DGUOK: variants seen among roughly 807,000 people sequenced by gnomAD.
DGUOK encodes deoxyguanosine kinase, mitochondrial.
A neutral mutation model predicts 36.6 loss-of-function variants in DGUOK; 30 were observed. The ratio of observed to expected loss-of-function variants is 0.82; its 90% confidence interval spans 0.61 to 1.11. The LOEUF (loss-of-function observed/expected upper bound fraction) is 1.11, where lower values mean the gene tolerates loss of function less well. Ranked by LOEUF, DGUOK falls within the 50% of genes most tolerant of loss-of-function variation. The pLI is 0.00. For missense variants in DGUOK, 361 were observed against 336.4 expected, an observed-to-expected ratio of 1.07 and a Z score of -0.57; for synonymous variants, 145 against 126.3, an observed-to-expected ratio of 1.15 and a Z score of -0.99.
intron 3 of DGUOK, among the ~76,000 whole-genome samples, chr2:73,949,852 A>C (rs1212107090): frequency 1.3e-5 from 2 of 152,134 alleles, no homozygotes; most frequent in Non-Finnish European, 2.9e-5. Context: ...TTTCCTGTTT[A>C]CCAGATGCTC....
chr2:73,946,417 C>T (rs1682307211), intron 2 of DGUOK, among the ~76,000 whole-genome samples: 1 of 152,220 alleles, frequency 6.6e-6, no homozygotes, highest in Non-Finnish European at 1.5e-5. Context: ...ACAAATCCCT[C>T]AATCAGTGAT....
At chr2:73,940,538 C>A (rs1212637707) in intron 2 of DGUOK, among the ~76,000 whole-genome samples, 1 of 152,094 alleles carries the variant, frequency 6.6e-6, no homozygotes, top group African/African-American at 2.4e-5. Flanking sequence ...AATTAACTTT[C>A]CTATGCAGGA....
At position 73,939,907 on chromosome 2, in the gene DGUOK, C is replaced by CTT. The variant is rs35979524; in HGVS notation, c.255+900_255+901dup. Among the ~76,000 whole-genome samples, 1,001 of 136,654 alleles carry CTT rather than the reference C, an allele frequency of 7.3e-3. 13 individuals are homozygous for CTT. Among genetic ancestry groups the CTT allele is most frequent in the South Asian group, 7.9e-3 (34 of 4,316 alleles). The allele number at this position is 136,654 out of a possible 152,430, so 89.7% of individuals were successfully genotyped here. ...TCTTTCTCCCCCTCAAGTCTCTCTCCTTTTTTTTTTTTTTTTGACAGTCTC... is the reference window on the plus strand; with the variant it reads ...TCTTTCTCCCCCTCAAGTCTCTCTCCTTTTTTTTTTTTTTTTTTGACAGTCTC... On this transcript the variant is annotated intron_variant, in intron 2 of 6. Transcript: ENST00000264093.
Position 73,946,710 on chromosome 2 carries a change from T to G in DGUOK, c.256-9T>G. 6.2e-7 allele frequency: 1 copy of G among 1,614,040 alleles called. No individual in the cohort carries two copies. Among genetic ancestry groups the G allele is most frequent in the Non-Finnish European group, 8.5e-7 (1 of 1,179,946 alleles). Reference sequence around the variant, plus strand: ...AGGAAATTTTCTTCTTTTTTTCATCTCCCTCTAGGCCTGCACTGCCCAAAG... The same window carrying G: ...AGGAAATTTTCTTCTTTTTTTCATCGCCCTCTAGGCCTGCACTGCCCAAAG... On this transcript the variant is annotated splice_polypyrimidine_tract_variant and intron_variant, in intron 2 of 6. Transcript: ENST00000264093.
chr2:73,941,968 G>T (rs1409899109), intron 2 of DGUOK, among the ~76,000 whole-genome samples: 2 of 151,322 alleles, frequency 1.3e-5, no homozygotes, highest in Admixed American at 6.6e-5. Context: ...GAGTCCAGTG[G>T]TGTGATCTTG....
rs377650378 is a variant in DGUOK at position 73,949,246 on chromosome 2, G to A, written c.444-1339G>A. Among the ~76,000 whole-genome samples, 88 of 152,226 alleles carry A rather than the reference G, an allele frequency of 5.8e-4. 1 individual carries two copies. In the South Asian group the frequency reaches 0.012, roughly 22 times the overall value. On this transcript the variant is annotated intron_variant, in intron 3 of 6. Coordinates refer to ENST00000264093, the MANE Select transcript of DGUOK (RefSeq NM_080916.3). The stretch of plus-strand genomic sequence containing the variant: ...GGATTACAGGTGTGAGCCACAGTGC[G>A]TGGCCACTTTATAGGATCTTAATTT...
rs1213432494 is a variant in DGUOK at position 73,955,122 on chromosome 2, AAT to A, written c.592-2000_592-1999del. The stretch of plus-strand genomic sequence containing the variant: ...GTTAAGGAAATTAATAGTAAATAGA[AAT>A]ATGTTAGCTTATTTTAATAGATCAA... On this transcript the variant is annotated intron_variant, in intron 4 of 6. Transcript: ENST00000264093. Among the ~76,000 whole-genome samples, 4 of 152,232 alleles carry A rather than the reference AAT, an allele frequency of 2.6e-5. No homozygotes were observed. In the South Asian group the frequency reaches 8.3e-4, roughly 31 times the overall value.
At chr2:73,941,400 G>A (rs1458471269) in intron 2 of DGUOK, among the ~76,000 whole-genome samples, 1 of 152,178 alleles carries the variant, frequency 6.6e-6, no homozygotes, top group Non-Finnish European at 1.5e-5. Flanking sequence ...TTGTTAGGCA[G>A]CAATAGATAA....
chr2:73,927,080 C>T (rs750879213), intron 1 of DGUOK, 28 bp downstream of exon 1: 3 of 1,604,390 alleles, frequency 1.9e-6, no homozygotes, highest in Non-Finnish European at 2.5e-6. Context: ...GCTGCCAAGC[C>T]TTGGCCTCCG....
rs776727459 is a variant in DGUOK, at chr2:73,950,642, T to C, written c.501T>C (p.His167=). The C allele has an allele frequency of 3.7e-6, 6 of 1,614,200 alleles. No individual in the cohort carries two copies. In the African/African-American group the frequency reaches 8.0e-5, roughly 22 times the overall value. ...GTTCCCTCAGTGACATCGAGTGGCA[T>C]ATCTATCAGGACTGGCATTCTTTTC... ...ENGSLSDIEW[H]IYQDWHSFLL... The change falls in exon 4 of 7, where the codon CAT becomes CAC. Residue 167 remains histidine, a synonymous_variant. Coordinates refer to ENST00000264093, the MANE Select transcript of DGUOK (RefSeq NM_080916.3).
chr2:73,931,884 A>G (rs1175681255), intron 1 of DGUOK, among the ~76,000 whole-genome samples: 5 of 152,076 alleles, frequency 3.3e-5, no homozygotes, highest in Admixed American at 1.3e-4. Context: ...TTTCAGAGAG[A>G]TTTTGGAAGC....
chr2:73,926,946 A>T lies in DGUOK; in HGVS notation c.36A>T (p.Arg12=). 6.2e-7 allele frequency: 1 copy of T among 1,613,454 alleles called. No individual in the cohort carries two copies. The highest frequency in any genetic ancestry group is 8.5e-7 in the Non-Finnish European group (1 of 1,180,040). ...GCCGCCTCTTTCTAAGTCGGCTTCGAGCACCCTTCAGTTCCATGGCCAAGA... is the reference window on the plus strand; with the variant it reads ...GCCGCCTCTTTCTAAGTCGGCTTCGTGCACCCTTCAGTTCCATGGCCAAGA... ...AAGRLFLSRL[R]APFSSMAKSP... Residue 12 remains arginine (R), a synonymous_variant, in exon 1 of 7, where the codon CGA becomes CGT. Coordinates refer to ENST00000264093, the MANE Select transcript of DGUOK (RefSeq NM_080916.3).
At chr2:73,934,671 G>C (rs1468823553) in intron 1 of DGUOK, among the ~76,000 whole-genome samples, 1 of 150,948 alleles carries the variant, frequency 6.6e-6, no homozygotes, top group Non-Finnish European at 1.5e-5. Flanking sequence ...TGGAGAATCA[G>C]TTGAACCCGG....
At chr2:73,941,972 G>A (rs1681938372) in intron 2 of DGUOK, among the ~76,000 whole-genome samples, 2 of 149,960 alleles carry the variant, frequency 1.3e-5, no homozygotes, top group Admixed American at 1.3e-4. Flanking sequence ...CCAGTGGTGT[G>A]ATCTTGGCTC....
chr2:73,927,353 C>G (rs768539463), intron 1 of DGUOK, among the ~76,000 whole-genome samples: 17 of 152,116 alleles, frequency 1.1e-4, no homozygotes, highest in Non-Finnish European at 1.8e-4. Context: ...AAGCGACAAG[C>G]GGGTGCAGTT....
chr2:73,952,400 CAA>C (rs1682765187), intron 4 of DGUOK, among the ~76,000 whole-genome samples: 1 of 152,122 alleles, frequency 6.6e-6, no homozygotes, highest in Non-Finnish European at 1.5e-5. Context: ...AGTCCCCTCT[CAA>C]AGAGGACAGT....
intron 1 of DGUOK, among the ~76,000 whole-genome samples, chr2:73,933,225 A>T (rs1394121949): frequency 1.3e-5 from 2 of 152,190 alleles, no homozygotes; most frequent in African/African-American, 4.8e-5. Context: ...TTGGGAAAAA[A>T]TAGCCTATTT....
intron 2 of DGUOK, among the ~76,000 whole-genome samples, chr2:73,941,763 G>T (rs992484753): frequency 5.9e-5 from 9 of 152,068 alleles, no homozygotes; most frequent in African/African-American, 2.2e-4. Context: ...CATGTTTTGT[G>T]TATCTTTTTG....
At chr2:73,957,928 T>A (rs1347142856) in intron 5 of DGUOK, 1 of 457,142 alleles carries the variant, frequency 2.2e-6, no homozygotes, top group Non-Finnish European at 4.1e-6. Context: ...TCTGACTGTT[T>A]GTTAGTATCA....
Sources: allele counts gnomAD v4.1 joint callset (sites outside exome capture counted in the v4.1 genomes callset), GRCh38; gene constraint gnomAD v4.1.1; transcripts MANE v1.5; gene names NCBI Gene and HGNC (gene_info 2026-07-23, HGNC 2026-07-21).